The following GPC5 variants were observed in gnomAD, a reference collection of about 807,000 sequenced individuals.
GPC5 encodes glypican-5.
A neutral mutation model predicts 53.9 loss-of-function variants in GPC5; 47 were observed. That is an observed-to-expected ratio of 0.87 (90% CI 0.69 to 1.11). GPC5 has a LOEUF of 1.11. GPC5 is among the 50% of genes most tolerant of loss of function. The pLI is 0.00. For missense variants in GPC5, 748 were observed against 713.1 expected (o/e 1.05, Z -0.56); for synonymous variants, 286 against 263.3 (o/e 1.09, Z -0.84).
chr13:92,626,317 G>C (rs1885043965), intron 7 of GPC5, among the ~76,000 whole-genome samples: 1 of 152,180 alleles, frequency 6.6e-6, no homozygotes, highest in Non-Finnish European at 1.5e-5. Context: ...TGGATCTCAT[G>C]TTCCAAGAGA....
intron 1 of GPC5, among the ~76,000 whole-genome samples, chr13:91,428,842 T>A (rs9560789): frequency 6.6e-6 from 1 of 151,896 alleles, no homozygotes; most frequent in African/African-American, 2.4e-5. Flanking sequence ...CACTTTCAAG[T>A]TTGTTTTAGG....
chr13:91,845,594 T>G (rs2038839719), intron 5 of GPC5, among the ~76,000 whole-genome samples: 1 of 152,172 alleles, frequency 6.6e-6, no homozygotes, highest in Non-Finnish European at 1.5e-5. Flanking sequence ...AAATATAGTT[T>G]GCTATAACCA....
At chr13:91,851,521 T>G (rs2038913077) in intron 5 of GPC5, among the ~76,000 whole-genome samples, 1 of 151,796 alleles carries the variant, frequency 6.6e-6, no homozygotes, top group Non-Finnish European at 1.5e-5. Context: ...TTATTATACT[T>G]CAAGTTTTAG....
intron 7 of GPC5, among the ~76,000 whole-genome samples, chr13:92,838,280 C>G (rs1304800854): frequency 6.6e-6 from 1 of 151,518 alleles, no homozygotes; most frequent in Non-Finnish European, 1.5e-5. Flanking sequence ...GTCAGGAGAT[C>G]GAAACCATCC....
intron 2 of GPC5, among the ~76,000 whole-genome samples, chr13:91,676,635 G>A (rs2139708063): frequency 6.6e-6 from 1 of 152,268 alleles, no homozygotes; most frequent in Non-Finnish European, 1.5e-5. Flanking sequence ...ACACAGAGTA[G>A]TGAATGTGAA....
At chr13:92,713,887 G>GGAGT (rs1014817055) in intron 7 of GPC5, among the ~76,000 whole-genome samples, 1 of 152,192 alleles carries the variant, frequency 6.6e-6, no homozygotes, top group African/African-American at 2.4e-5. Context: ...GTTCTGGTAA[G>GGAGT]GAGTGTAGCA....
intron 6 of GPC5, among the ~76,000 whole-genome samples, chr13:92,092,119 A>G (rs1229147759): frequency 3.3e-5 from 5 of 152,220 alleles, no homozygotes; most frequent in Admixed American, 2.0e-4. Context: ...TATCTCTTAA[A>G]TGGTGTCAGT....
chr13:92,341,903 A>T (rs1232641770), intron 7 of GPC5, among the ~76,000 whole-genome samples: 1 of 152,180 alleles, frequency 6.6e-6, no homozygotes, highest in African/African-American at 2.4e-5. Context: ...AATACAATTT[A>T]TGCCATTATG....
chr13:91,855,327 T>A (rs776443844), intron 5 of GPC5, among the ~76,000 whole-genome samples: 1 of 151,672 alleles, frequency 6.6e-6, no homozygotes, highest in African/African-American at 2.4e-5. Flanking sequence ...AGCAACGAAA[T>A]TTTGTTTAAT....
intron 2 of GPC5, among the ~76,000 whole-genome samples, chr13:91,689,043 C>G (rs959228469): frequency 6.6e-6 from 1 of 150,854 alleles, no homozygotes; most frequent in Non-Finnish European, 1.5e-5. Context: ...TGGTCCACAC[C>G]TGTAGTCCCA....
chr13:92,482,079 C>T (rs979811923), intron 7 of GPC5, among the ~76,000 whole-genome samples: 39 of 151,808 alleles, frequency 2.6e-4, no homozygotes, highest in African/African-American at 9.2e-4. Flanking sequence ...TGCAGTGAGC[C>T]GAGATCGCAC....
intron 6 of GPC5, among the ~76,000 whole-genome samples, chr13:92,070,557 TC>T (rs1048596090): frequency 3.9e-5 from 6 of 152,180 alleles, no homozygotes; most frequent in African/African-American, 1.4e-4. Flanking sequence ...ATTACTGTAA[TC>T]CCCTTTTATA....
At chr13:92,727,550 G>A (rs1001437494) in intron 7 of GPC5, among the ~76,000 whole-genome samples, 1 of 151,244 alleles carries the variant, frequency 6.6e-6, no homozygotes, top group Non-Finnish European at 1.5e-5. Flanking sequence ...TGCCTCACAA[G>A]CTCGATAATA....
Position 92,031,701 on chromosome 13 carries a change from A to G in GPC5, c.1402-113129A>G, listed in dbSNP as rs1381848436. 1.1e-4 allele frequency among the ~76,000 whole-genome samples: 9 copies of G among 83,268 alleles called. 1 individual carries two copies. Among genetic ancestry groups the G allele is most frequent in the Admixed American group, 2.1e-4 (1 of 4,762 alleles). 54.6% of individuals were successfully genotyped at this position (83,268 alleles called of 152,430 possible). ...AATATATATATAGTATATATAATAT[A>G]TTATATATATTACATATATGTAATA... On this transcript the variant is annotated intron_variant, in intron 6 of 7. Transcript: ENST00000377067.
chr13:92,113,950 T>A (rs771982576), intron 6 of GPC5, among the ~76,000 whole-genome samples: 1 of 152,158 alleles, frequency 6.6e-6, no homozygotes, highest in Admixed American at 6.5e-5. Context: ...GCATAAAAAC[T>A]AAAGGTAATG....
At chr13:92,715,195 AGT>A (rs1415093636) in intron 7 of GPC5, among the ~76,000 whole-genome samples, 10 of 152,200 alleles carry the variant, frequency 6.6e-5, no homozygotes, top group African/African-American at 2.4e-4. Flanking sequence ...AGTTGAATAG[AGT>A]GATCAGCACA....
intron 7 of GPC5, among the ~76,000 whole-genome samples, chr13:92,851,205 C>T (rs534026116): frequency 1.2e-4 from 18 of 152,286 alleles, no homozygotes; most frequent in Non-Finnish European, 2.1e-4. Flanking sequence ...GATCCAATCA[C>T]CTCCCACCAG....
chr13:92,279,690 C>G (rs1367429173), intron 7 of GPC5, among the ~76,000 whole-genome samples: 1 of 151,754 alleles, frequency 6.6e-6, no homozygotes, highest in African/African-American at 2.4e-5. Flanking sequence ...CATGAGTTTT[C>G]CTTGGTTCTA....
At chr13:91,427,901 A>AACATCAGTAGTTTTTAAAC (rs1218313294) in intron 1 of GPC5, among the ~76,000 whole-genome samples, 2 of 151,972 alleles carry the variant, frequency 1.3e-5, no homozygotes, top group Non-Finnish European at 2.9e-5. Flanking sequence ...TGTTTTTTTA[A>AACATCAGTAGTTTTTAAAC]ATGGTAGTTT....
Sources: gnomAD v4.1 joint callset for allele counts (sites outside exome capture counted in the v4.1 genomes callset) on GRCh38, gnomAD v4.1.1 for gene constraint, MANE v1.5 for transcripts, NCBI Gene and HGNC (gene_info 2026-07-23, HGNC 2026-07-21) for gene names.